Variants in STRN observed in about 807,000 individuals in gnomAD.
STRN encodes striatin.
Under a neutral mutation model 96.3 loss-of-function variants are expected in STRN, and 53 were observed. The observed-to-expected ratio is 0.55, with a 90% CI of 0.44 to 0.69. The LOEUF (loss-of-function observed/expected upper bound fraction) is 0.69, where lower values mean the gene tolerates loss of function less well. Ranked by LOEUF, STRN falls within the 30% of genes least tolerant of loss-of-function variation. STRN has a pLI of 0.00. For synonymous variants in STRN, 428 were observed against 355.9 expected (o/e 1.20, Z -2.28); for missense variants, 987 against 963.9 (o/e 1.02, Z -0.32).
chr2:36,922,648 T>C (rs1203154715), intron 2 of STRN, among the ~76,000 whole-genome samples: 1 of 152,054 alleles, frequency 6.6e-6, no homozygotes, highest in East Asian at 1.9e-4. Context: ...CGTCATCAAC[T>C]GAGAGGAGGA....
intron 3 of STRN, among the ~76,000 whole-genome samples, chr2:36,914,955 G>C (rs1012372593): frequency 9.2e-5 from 14 of 151,966 alleles, no homozygotes; most frequent in African/African-American, 3.4e-4. Flanking sequence ...CCAGCACTTT[G>C]GGAGGCCGAG....
intron 3 of STRN, among the ~76,000 whole-genome samples, chr2:36,913,024 C>A (rs767956100): frequency 2.6e-5 from 4 of 152,160 alleles, no homozygotes; most frequent in Non-Finnish European, 5.9e-5. Context: ...AGAACTAGTT[C>A]CTGCATATTT....
At chr2:36,965,456 A>G (rs1389892812) in intron 1 of STRN, among the ~76,000 whole-genome samples, 1 of 152,224 alleles carries the variant, frequency 6.6e-6, no homozygotes, top group Non-Finnish European at 1.5e-5. Flanking sequence ...AACTAACTTC[A>G]AAGTCCCTTT....
Position 36,882,123 on chromosome 2 carries a change from A to G in STRN, c.1186+1809T>C, listed in dbSNP as rs188487806. On this transcript the variant is annotated intron_variant, in intron 9 of 17. Coordinates refer to ENST00000263918, the MANE Select transcript of STRN (RefSeq NM_003162.4). The stretch of plus-strand genomic sequence containing the variant: ...AAAAATTTCACTGAAGAAGTATTCC[A>G]ATCGTGAAAATCTAGATACATCTAA... Among the ~76,000 whole-genome samples the G allele has an allele frequency of 3.5e-3, 539 of 152,322 alleles. 3 individuals are homozygous for G. Among genetic ancestry groups the G allele is most frequent in the Non-Finnish European group, 6.0e-3 (411 of 68,020 alleles).
chr2:36,850,901 C>A, intron 16 of STRN, 99 bp downstream of exon 16: 1 of 869,860 alleles, frequency 1.1e-6, no homozygotes, highest in Non-Finnish European at 1.7e-6. Flanking sequence ...TGCCTATTCC[C>A]TGACTACGAA....
At chr2:36,926,393 C>A (rs1002563183) in intron 1 of STRN, among the ~76,000 whole-genome samples, 4 of 152,138 alleles carry the variant, frequency 2.6e-5, no homozygotes, top group Non-Finnish European at 4.4e-5. Context: ...CCACCACGTC[C>A]GTCTATTATA....
chr2:36,889,935 A>G lies in STRN; in HGVS notation c.932-3109T>C, dbSNP rs1348601854. On this transcript the variant is annotated intron_variant, in intron 7 of 17. Transcript: ENST00000263918. ...AATAGGCTAGGTAAAATGTACACAC[A>G]TGTATCATATAATACACTGAGCTAT... Among the ~76,000 whole-genome samples the G allele has an allele frequency of 1.4e-4, 22 of 152,194 alleles. 1 individual carries two copies. The highest frequency in any genetic ancestry group is 1.2e-3 in the Admixed American group (19 of 15,272).
At chr2:36,889,519 C>G (rs1455762030) in intron 7 of STRN, among the ~76,000 whole-genome samples, 1 of 146,240 alleles carries the variant, frequency 6.8e-6, no homozygotes, top group Non-Finnish European at 1.5e-5. Flanking sequence ...TCTTACTAGA[C>G]TCATAAAAAC....
At position 36,966,392 on chromosome 2, in the gene STRN, G is replaced by C; in HGVS notation, c.72C>G (p.Leu24=). ...CCGCGGCAGCCTCCGCCAGAGGCCC[G>C]AGCCCCTTGGCACCGCCGGCGCCCG... ...NHPGAGGAKG[L]GPLAEAAAAG... Residue 24 remains leucine (L), a synonymous_variant, in exon 1 of 18, where the codon CTC becomes CTG. Transcript: ENST00000263918. 1 of 1,463,984 alleles carries C rather than the reference G, an allele frequency of 6.8e-7. No individual in the cohort carries two copies. Among genetic ancestry groups the C allele is most frequent in the Admixed American group, 2.7e-5 (1 of 37,462 alleles). 90.7% of individuals were successfully genotyped at this position (1,463,984 alleles called of 1,614,324 possible).
In STRN at chr2:36,916,078, C is replaced by G; in HGVS notation, c.412G>C (p.Asp138His). 1 of 1,612,004 alleles carries G rather than the reference C, an allele frequency of 6.2e-7. No individual in the cohort carries two copies. Among genetic ancestry groups the G allele is most frequent in the Non-Finnish European group, 8.5e-7 (1 of 1,179,004 alleles). Residue 138 changes from aspartate to histidine, a missense_variant and splice_region_variant, in exon 3 of 18, where the codon GAT becomes CAT. Asp to His is a moderately conservative substitution (Grantham distance 81). Coordinates refer to ENST00000263918, the MANE Select transcript of STRN (RefSeq NM_003162.4). ...TAAACTTCCATTAAAATTAGCTTAC[C>G]AGAATCATAGCTTGGAGGCTTCATA... Reference protein sequence around the residue: ...GDMKPPSYDSDEGNETEVQPQ... With the variant: ...GDMKPPSYDSHEGNETEVQPQ...
chr2:36,900,856 G>A (rs1183988570), intron 5 of STRN, among the ~76,000 whole-genome samples: 1 of 152,032 alleles, frequency 6.6e-6, no homozygotes, highest in Admixed American at 6.5e-5. Flanking sequence ...TCGTGCCACT[G>A]CACTCCAGCC....
rs1558613985 is a variant in STRN, at chr2:36,840,188, T to G, written c.*9268A>C. On this transcript the variant is annotated 3_prime_UTR_variant, in exon 18 of 18. Transcript: ENST00000263918. ...CAAGGAAAGAGTGTGGAAGTGGACC[T>G]GTTCTGAGCCCAGGATAATCAAGGC... 1 of 152,204 alleles carries G rather than the reference T, an allele frequency of 6.6e-6. No individual in the cohort carries two copies. Among genetic ancestry groups the G allele is most frequent in the Non-Finnish European group, 1.5e-5 (1 of 68,088 alleles). The allele number at this position is 152,204 out of a possible 1,614,324, so 9.4% of individuals were successfully genotyped here.
At chr2:36,941,493 C>T (rs551715106) in intron 1 of STRN, among the ~76,000 whole-genome samples, 12 of 151,966 alleles carry the variant, frequency 7.9e-5, no homozygotes, top group Admixed American at 6.6e-4. Context: ...CCTTTCAATG[C>T]ATTTCTCAAG....
intron 12 of STRN, 152 bp downstream of exon 12, chr2:36,867,662 G>T: frequency 2.3e-6 from 1 of 437,874 alleles, no homozygotes; most frequent in Non-Finnish European, 3.9e-6. Flanking sequence ...GATGAACTTC[G>T]TTTTAGCATT....
Position 36,916,143 on chromosome 2 carries a change from T to C in STRN, c.347A>G (p.Tyr116Cys). ...EYALKQERAK[Y>C]HKLKYGTELN... ...TTCTGTCCCGTATTTCAACTTGTGG[T>C]ATTTGGCTCTAACAAAGAAATGAGA... The change falls in exon 3 of 18, where the codon TAC (tyrosine) becomes TGC (cysteine). Residue 116 changes from tyrosine (Y) to cysteine (C), a missense_variant. By Grantham distance (194) the Tyr-to-Cys change is radical. Coordinates refer to ENST00000263918, the MANE Select transcript of STRN (RefSeq NM_003162.4). 1 of 1,613,260 alleles carries C rather than the reference T, an allele frequency of 6.2e-7. No homozygotes were observed. The highest frequency in any genetic ancestry group is 8.5e-7 in the Non-Finnish European group (1 of 1,179,518).
rs1558619771 is a variant in STRN at position 36,849,501 on chromosome 2, A to G, written c.2298T>C (p.Tyr766=). ...HDVAFHPSKC[Y]IASAGADALA... is the part of the protein sequence containing the mutation. ...GTGCGTCAGCTCCAGCACTGGCTAT[A>G]TAGCATTTGGATGGGTGGAAAGCTA... Residue 766 remains tyrosine, a synonymous_variant, in exon 18 of 18, where the codon TAT becomes TAC. Coordinates refer to ENST00000263918, the MANE Select transcript of STRN (RefSeq NM_003162.4). The G allele has an allele frequency of 1.9e-6, 3 of 1,614,190 alleles. No individual in the cohort carries two copies. The highest frequency in any genetic ancestry group is 1.1e-5 in the South Asian group (1 of 91,082).
intron 6 of STRN, among the ~76,000 whole-genome samples, chr2:36,897,325 G>A (rs377229857): frequency 2.0e-5 from 3 of 151,880 alleles, no homozygotes; most frequent in African/African-American, 7.2e-5. Context: ...TCGGCATATA[G>A]CTATGTGAGT....
intron 7 of STRN, among the ~76,000 whole-genome samples, chr2:36,892,772 G>A (rs2148186797): frequency 6.6e-6 from 1 of 152,256 alleles, no homozygotes; most frequent in South Asian, 2.1e-4. Context: ...TGATATCCCA[G>A]CACCTTGGAA....
chr2:36,904,583 T>A (rs1669769183), intron 4 of STRN, among the ~76,000 whole-genome samples: 1 of 152,160 alleles, frequency 6.6e-6, no homozygotes, highest in African/African-American at 2.4e-5. Flanking sequence ...TCCCAGCACT[T>A]TGGGAGGCCG....
Sources: allele counts gnomAD v4.1 joint callset (sites outside exome capture counted in the v4.1 genomes callset), GRCh38; gene constraint gnomAD v4.1.1; transcripts MANE v1.5; gene names NCBI Gene and HGNC (gene_info 2026-07-23, HGNC 2026-07-21).